The following NKAIN3 variants were observed in gnomAD, a reference collection of about 807,000 sequenced individuals.
NKAIN3 encodes sodium/potassium-transporting ATPase subunit beta-1-interacting protein 3.
NKAIN3 carries 25 observed loss-of-function variants against 30.2 expected under a neutral mutation model. The ratio of observed to expected loss-of-function variants is 0.83; its 90% CI spans 0.60 to 1.16. The LOEUF (loss-of-function observed/expected upper bound fraction) is 1.16. Ranked by LOEUF, NKAIN3 falls within the 50% of genes most tolerant of loss-of-function variation. NKAIN3 has a pLI of 0.00. For synonymous variants in NKAIN3, 91 were observed against 89.6 expected, an observed-to-expected ratio of 1.02 and a Z score of -0.09; for missense variants, 225 against 254.1, an observed-to-expected ratio of 0.89 and a Z score of 0.78.
chr8:62,562,683 A>T (rs1234494772), intron 1 of NKAIN3, among the ~76,000 whole-genome samples: 1 of 152,154 alleles, frequency 6.6e-6, no homozygotes, highest in African/African-American at 2.4e-5. Context: ...CGTTTCTTGT[A>T]CATGTTGATT....
intron 3 of NKAIN3, among the ~76,000 whole-genome samples, chr8:62,602,703 G>T (rs1213730980): frequency 6.6e-6 from 1 of 152,064 alleles, no homozygotes; most frequent in Non-Finnish European, 1.5e-5. Flanking sequence ...TACATAACCA[G>T]TCTTAAGATT....
chr8:62,532,122 A>G (rs961683394), intron 1 of NKAIN3, among the ~76,000 whole-genome samples: 4 of 152,088 alleles, frequency 2.6e-5, no homozygotes, highest in Non-Finnish European at 4.4e-5. Context: ...TTTCTTGAAC[A>G]TGCTCATTTT....
chr8:62,375,959 T>G (rs1209874144), intron 1 of NKAIN3, among the ~76,000 whole-genome samples: 1 of 152,212 alleles, frequency 6.6e-6, no homozygotes, highest in African/African-American at 2.4e-5. Flanking sequence ...CTTGGATTTC[T>G]TACTTTCTGT....
intron 4 of NKAIN3, among the ~76,000 whole-genome samples, chr8:62,873,027 T>C (rs1001015092): frequency 6.6e-6 from 1 of 151,578 alleles, no homozygotes. Flanking sequence ...TAACCTTAAA[T>C]GTAAAAGACA....
At chr8:62,500,488 GA>G (rs1807408655) in intron 1 of NKAIN3, among the ~76,000 whole-genome samples, 1 of 104,354 alleles carries the variant, frequency 9.6e-6, no homozygotes, top group Non-Finnish European at 1.9e-5. Flanking sequence ...AAAGAAAGAA[GA>G]AAAGAAAGAA....
intron 3 of NKAIN3, among the ~76,000 whole-genome samples, chr8:62,682,372 G>A (rs1205514022): frequency 6.6e-6 from 1 of 152,130 alleles, no homozygotes; most frequent in Non-Finnish European, 1.5e-5. Context: ...GTCTCACAGG[G>A]GTCCTTGGGG....
At chr8:62,861,943 C>T (rs1431958409) in intron 4 of NKAIN3, among the ~76,000 whole-genome samples, 2 of 152,218 alleles carry the variant, frequency 1.3e-5, no homozygotes, top group African/African-American at 4.8e-5. Flanking sequence ...CCTGAAAACA[C>T]ATAACTAGCC....
At chr8:62,955,519 C>A (rs1252443534) in intron 6 of NKAIN3, among the ~76,000 whole-genome samples, 1 of 151,570 alleles carries the variant, frequency 6.6e-6, no homozygotes, top group Non-Finnish European at 1.5e-5. Context: ...TGAAGGGTTT[C>A]TTTCATCTCC....
chr8:62,280,838 T>A (rs866898267), intron 1 of NKAIN3, among the ~76,000 whole-genome samples: 1 of 152,166 alleles, frequency 6.6e-6, no homozygotes, highest in African/African-American at 2.4e-5. Flanking sequence ...AAAATTCTCT[T>A]TTTTGTTGTG....
chr8:62,392,539 G>A (rs1817611600), intron 1 of NKAIN3, among the ~76,000 whole-genome samples: 1 of 151,742 alleles, frequency 6.6e-6, no homozygotes, highest in Admixed American at 6.6e-5. Context: ...AAGTTATCTC[G>A]CTTACCTGGC....
intron 3 of NKAIN3, among the ~76,000 whole-genome samples, chr8:62,729,039 A>AAAAAACAAAC (rs200466973): frequency 1.0e-5 from 1 of 96,926 alleles, no homozygotes; most frequent in African/African-American, 4.0e-5. Context: ...AAAAAAAAAA[A>AAAAAACAAAC]CAAAAAAAAA....
intron 4 of NKAIN3, among the ~76,000 whole-genome samples, chr8:62,870,746 G>GATATATCTAT (rs1820615600): frequency 7.3e-6 from 1 of 137,438 alleles, no homozygotes; most frequent in African/African-American, 2.8e-5. Context: ...TATATATCTA[G>GATATATCTAT]ATATCTAGAT....
Position 62,975,820 on chromosome 8 carries a change from G to A in NKAIN3, c.*10413G>A, listed in dbSNP as rs1485992024. Reference sequence around the variant, plus strand: ...CCCACTTTCTCCTGTGAGCACTTAGGTCTATAAATTTCCTTCTAAGCACTC... The same window carrying A: ...CCCACTTTCTCCTGTGAGCACTTAGATCTATAAATTTCCTTCTAAGCACTC... On this transcript the variant is annotated 3_prime_UTR_variant, in exon 7 of 7. Transcript: ENST00000623646. Among the ~76,000 whole-genome samples the A allele has an allele frequency of 6.6e-6, 1 of 152,102 alleles. No individual in the cohort carries two copies.
At chr8:62,292,605 A>G (rs1385831528) in intron 1 of NKAIN3, among the ~76,000 whole-genome samples, 3 of 152,100 alleles carry the variant, frequency 2.0e-5, no homozygotes, top group Admixed American at 2.0e-4. Context: ...TGAGAGATCC[A>G]CCGTTAGTCT....
At chr8:62,614,954 G>T (rs576331197) in intron 3 of NKAIN3, among the ~76,000 whole-genome samples, 1 of 152,302 alleles carries the variant, frequency 6.6e-6, no homozygotes, top group South Asian at 2.1e-4. Flanking sequence ...TCAATTCCTG[G>T]AATCAGGGAC....
chr8:62,688,585 GGAAA>G, intron 3 of NKAIN3, among the ~76,000 whole-genome samples: 1 of 152,142 alleles, frequency 6.6e-6, no homozygotes, highest in Non-Finnish European at 1.5e-5. Context: ...CTTGGCGTAA[GGAAA>G]GATAGTGTAT....
intron 4 of NKAIN3, among the ~76,000 whole-genome samples, chr8:62,755,271 C>A (rs910908589): frequency 6.6e-6 from 1 of 152,194 alleles, no homozygotes; most frequent in Non-Finnish European, 1.5e-5. Context: ...CTTCTCCTTG[C>A]AACACCTTGC....
At chr8:62,998,530 C>T (rs984274103) in intron 5 of NKAIN3, among the ~76,000 whole-genome samples, 1 of 152,228 alleles carries the variant, frequency 6.6e-6, no homozygotes, top group Non-Finnish European at 1.5e-5. Context: ...CTGCCTCGGC[C>T]TCCCAAATTG....
At chr8:62,667,066 G>A (rs145897899) in intron 3 of NKAIN3, among the ~76,000 whole-genome samples, 41 of 147,892 alleles carry the variant, frequency 2.8e-4, no homozygotes, top group African/African-American at 9.2e-4. Flanking sequence ...GCAGCACACC[G>A]CTTTTCATGC....
Sources: gnomAD v4.1 joint callset for allele counts (sites outside exome capture counted in the v4.1 genomes callset) on GRCh38, gnomAD v4.1.1 for gene constraint, MANE v1.5 for transcripts, NCBI Gene and HGNC (gene_info 2026-07-23, HGNC 2026-07-21) for gene names.